Variants in EPB41L4A observed in about 807,000 individuals in gnomAD.
EPB41L4A encodes the protein erythrocyte membrane protein band 4.1 like 4A.
A neutral mutation model predicts 108.6 loss-of-function variants in EPB41L4A; 100 were observed. The observed-to-expected ratio is 0.92, with a 90% CI of 0.78 to 1.09. EPB41L4A has a LOEUF of 1.09. Ranked by LOEUF, EPB41L4A falls within the 50% of genes least tolerant of loss-of-function variation. The pLI is 0.00. For missense variants in EPB41L4A, 1,030 were observed against 842.7 expected (o/e 1.22, Z -2.75); for synonymous variants, 319 against 289.0 (o/e 1.10, Z -1.05).
At chr5:112,391,984 A>G (rs1453851617) in intron 1 of EPB41L4A, among the ~76,000 whole-genome samples, 1 of 152,182 alleles carries the variant, frequency 6.6e-6, no homozygotes, top group African/African-American at 2.4e-5. Context: ...TAAACTTCAT[A>G]AGTGATAGAG....
In EPB41L4A at chr5:112,209,951, G is replaced by A. The variant is rs1762653853; in HGVS notation, c.1119C>T (p.Asn373=). 2 of 1,606,354 alleles carry A rather than the reference G, an allele frequency of 1.2e-6. No individual in the cohort carries two copies. Residue 373 remains asparagine (N), a synonymous_variant, in exon 13 of 23, where the codon AAC becomes AAT. Coordinates refer to ENST00000261486, the MANE Select transcript of EPB41L4A (RefSeq NM_022140.5). Reference sequence around the variant, plus strand: ...TTCCTTCATTTTCTCCATTTTCCATGTTTGCAGTTATCCTACTGATGCTGT... The same window carrying A: ...TTCCTTCATTTTCTCCATTTTCCATATTTGCAGTTATCCTACTGATGCTGT... ...ESNSISRITA[N]MENGENEGTI... is the part of the protein sequence containing the mutation.
At chr5:112,254,508 C>G (rs980899386) in intron 9 of EPB41L4A, among the ~76,000 whole-genome samples, 1 of 152,098 alleles carries the variant, frequency 6.6e-6, no homozygotes. Flanking sequence ...TAATGTAACA[C>G]CCAATTTCCC....
At position 112,168,795 on chromosome 5, in the gene EPB41L4A, G is replaced by A; in HGVS notation, c.1876C>T (p.Leu626Phe). 6.2e-7 allele frequency: 1 copy of A among 1,614,104 alleles called. No homozygotes were observed. Among genetic ancestry groups the A allele is most frequent in the Non-Finnish European group, 8.5e-7 (1 of 1,179,944 alleles). Reference sequence around the variant, plus strand: ...GCATCCGAAGAACGGGTCACCGGAAGTGGTGGTACAAGATCTGTTTTTGAA... The same window carrying A: ...GCATCCGAAGAACGGGTCACCGGAAATGGTGGTACAAGATCTGTTTTTGAA... ...VNSKTDLVPP[L>F]PVTRSSDAQG... Residue 626 changes from leucine (L) to phenylalanine (F), a missense_variant, in exon 22 of 23, where the codon CTT becomes TTT. By Grantham distance (22) the Leu-to-Phe change is conservative (BLOSUM62 0). Transcript: ENST00000261486.
At chr5:112,407,487 T>C (rs1262507357) in intron 1 of EPB41L4A, among the ~76,000 whole-genome samples, 1 of 152,208 alleles carries the variant, frequency 6.6e-6, no homozygotes, top group Admixed American at 6.5e-5. Flanking sequence ...TCCAGCTGTC[T>C]ACATTATTTC....
intron 12 of EPB41L4A, among the ~76,000 whole-genome samples, chr5:112,215,534 G>A (rs879897193): frequency 3.3e-5 from 5 of 152,050 alleles, no homozygotes; most frequent in South Asian, 2.1e-4. Context: ...AGGCCAAGGC[G>A]GGCGGATCAT....
At chr5:112,194,543 G>C (rs749914045) in intron 17 of EPB41L4A, 25 bp downstream of exon 17, 130 of 1,377,230 alleles carry the variant, frequency 9.4e-5, no homozygotes, top group Non-Finnish European at 1.3e-4. Context: ...CAGAGTGCCA[G>C]TTAATTATAA....
At chr5:112,383,613 A>G (rs1481541982) in intron 1 of EPB41L4A, among the ~76,000 whole-genome samples, 2 of 152,248 alleles carry the variant, frequency 1.3e-5, no homozygotes, top group Non-Finnish European at 1.5e-5. Context: ...GGGAACTACT[A>G]ATAAATTAAA....
At chr5:112,170,025 T>C (rs1760483502) in intron 20 of EPB41L4A, 1 of 378,452 alleles carries the variant, frequency 2.6e-6, no homozygotes, top group Non-Finnish European at 4.7e-6. Context: ...AGTGAGAATC[T>C]CAGAAAAGAA....
At chr5:112,374,536 T>C (rs1172350425) in intron 1 of EPB41L4A, among the ~76,000 whole-genome samples, 1 of 152,198 alleles carries the variant, frequency 6.6e-6, no homozygotes, top group African/African-American at 2.4e-5. Flanking sequence ...TTATAAATAT[T>C]ACTCAGCAAT....
chr5:112,283,793 T>C (rs188648099), intron 2 of EPB41L4A, among the ~76,000 whole-genome samples: 137 of 152,242 alleles, frequency 9.0e-4, no homozygotes, highest in Admixed American at 3.2e-3. Flanking sequence ...CACACAGCCA[T>C]GTAATTACAA....
intron 13 of EPB41L4A, chr5:112,145,750 A>G (rs1324754566): frequency 3.1e-6 from 1 of 320,064 alleles, no homozygotes; most frequent in Non-Finnish European, 6.1e-6. Flanking sequence ...TGCATACAAC[A>G]TCCTCAACCA....
At chr5:112,223,235 C>T (rs776005268) in intron 12 of EPB41L4A, among the ~76,000 whole-genome samples, 4 of 152,046 alleles carry the variant, frequency 2.6e-5, no homozygotes, top group South Asian at 2.1e-4. Flanking sequence ...CCACCGTGCC[C>T]GACCGAAAGT....
intron 12 of EPB41L4A, among the ~76,000 whole-genome samples, chr5:112,227,047 T>C (rs1324450583): frequency 1.3e-5 from 2 of 150,816 alleles, no homozygotes; most frequent in East Asian, 3.9e-4. Flanking sequence ...AGAAAGACAC[T>C]TCCTAACTCT....
At chr5:112,263,229 T>G (rs1041372888) in intron 6 of EPB41L4A, among the ~76,000 whole-genome samples, 1 of 152,146 alleles carries the variant, frequency 6.6e-6, no homozygotes, top group Non-Finnish European at 1.5e-5. Context: ...TAAATATGCA[T>G]GTGCAAGCGA....
At position 112,269,863 on chromosome 5, in the gene EPB41L4A, G is replaced by A. The variant is rs139862472; in HGVS notation, c.336-3533C>T. On this transcript the variant is annotated intron_variant, in intron 4 of 22. Coordinates refer to ENST00000261486, the MANE Select transcript of EPB41L4A (RefSeq NM_022140.5). ...TCCTTATGTAAACTAACAAACCGAT[G>A]TATATGCACTGCCCCTGAGATTTTG... 3.2e-3 allele frequency among the ~76,000 whole-genome samples: 483 copies of A among 152,284 alleles called. 1 individual carries two copies. Among genetic ancestry groups the A allele is most frequent in the Admixed American group, 0.012 (180 of 15,300 alleles).
intron 2 of EPB41L4A, among the ~76,000 whole-genome samples, chr5:112,294,339 G>A (rs1464764): frequency 6.6e-6 from 1 of 151,894 alleles, no homozygotes; most frequent in Non-Finnish European, 1.5e-5. Context: ...CCCAGTGAGC[G>A]GCCCACACAG....
chr5:112,311,251 C>G (rs1252882849), intron 1 of EPB41L4A, among the ~76,000 whole-genome samples: 2 of 152,040 alleles, frequency 1.3e-5, no homozygotes, highest in African/African-American at 4.8e-5. Context: ...AAGAGGCAGG[C>G]CAGTATCCCA....
intron 18 of EPB41L4A, among the ~76,000 whole-genome samples, chr5:112,183,676 A>C (rs1375598170): frequency 1.3e-5 from 2 of 152,184 alleles, no homozygotes; most frequent in African/African-American, 4.8e-5. Context: ...AATTGTGCAG[A>C]CTCAAACTGA....
intron 1 of EPB41L4A, among the ~76,000 whole-genome samples, chr5:112,374,301 T>A (rs1259006206): frequency 6.6e-6 from 1 of 152,154 alleles, no homozygotes; most frequent in African/African-American, 2.4e-5. Context: ...CCTGGATTAA[T>A]CTTCTAAGAA....
Sources: gnomAD v4.1 joint callset for allele counts (sites outside exome capture counted in the v4.1 genomes callset) on GRCh38, gnomAD v4.1.1 for gene constraint, MANE v1.5 for transcripts, NCBI Gene and HGNC (gene_info 2026-07-23, HGNC 2026-07-21) for gene names.